SMC5: variants seen among roughly 807,000 people sequenced by gnomAD.
The protein encoded by SMC5 is structural maintenance of chromosomes protein 5.
In SMC5, 88 loss-of-function variants were observed where a neutral mutation model predicts 148.3. The ratio of observed to expected loss-of-function variants is 0.59; its 90% CI spans 0.50 to 0.71. The LOEUF is 0.71. Among genes scored for constraint, SMC5 ranks in the 30% least tolerant of loss-of-function variants. The pLI is 0.00. For missense variants in SMC5, 1,142 were observed against 1,298.9 expected, an observed-to-expected ratio of 0.88 and a Z score of 1.86; for synonymous variants, 421 against 432.8, an observed-to-expected ratio of 0.97 and a Z score of 0.34.
intron 3 of SMC5, among the ~76,000 whole-genome samples, chr9:70,273,885 TG>T (rs2034516112): frequency 6.6e-6 from 1 of 152,356 alleles, no homozygotes; most frequent in East Asian, 1.9e-4. Flanking sequence ...TGTAGATACC[TG>T]CAGTGTTCTG....
chr9:70,340,968 TTTC>T (rs2036506636), intron 17 of SMC5, among the ~76,000 whole-genome samples: 1 of 152,154 alleles, frequency 6.6e-6, no homozygotes, highest in African/African-American at 2.4e-5. Flanking sequence ...ATTTCACTCA[TTTC>T]TTATCTTACA....
chr9:70,340,414 TAA>T (rs1363336097), intron 17 of SMC5, among the ~76,000 whole-genome samples: 1 of 152,094 alleles, frequency 6.6e-6, no homozygotes, highest in Admixed American at 6.5e-5. Context: ...TATTAAAAGT[TAA>T]GATTATTATT....
intron 18 of SMC5, among the ~76,000 whole-genome samples, chr9:70,344,853 GAA>G (rs2036625569): frequency 6.6e-6 from 1 of 151,828 alleles, no homozygotes; most frequent in Non-Finnish European, 1.5e-5. Flanking sequence ...AATGAAATTA[GAA>G]AATAAGTTTT....
intron 22 of SMC5, among the ~76,000 whole-genome samples, 181 bp downstream of exon 22, chr9:70,348,219 G>GC (rs2036717866): frequency 6.6e-6 from 1 of 151,954 alleles, no homozygotes; most frequent in Admixed American, 6.6e-5. Flanking sequence ...TTTTTGGGGG[G>GC]GGTTATGTTT....
In SMC5 at chr9:70,277,412, G is replaced by T; in HGVS notation, c.483G>T (p.Val161=). The T allele has an allele frequency of 1.2e-6, 2 of 1,603,786 alleles. No homozygotes were observed. The highest frequency in any genetic ancestry group is 1.3e-5 in the African/African-American group (1 of 74,310). ...INKKSTTQKI[V]EEKVAALNIQ... Reference sequence around the variant, plus strand: ...AAAAATCTACAACCCAGAAAATAGTGGAAGAGAAAGTTGCAGCCTTAAATA... The same window carrying T: ...AAAAATCTACAACCCAGAAAATAGTTGAAGAGAAAGTTGCAGCCTTAAATA... Residue 161 remains valine (V), a synonymous_variant, in exon 4 of 25, where the codon GTG becomes GTT. Coordinates refer to ENST00000361138, the MANE Select transcript of SMC5 (RefSeq NM_015110.4).
chr9:70,330,068 C>T (rs2036181168), intron 17 of SMC5, among the ~76,000 whole-genome samples: 1 of 152,052 alleles, frequency 6.6e-6, no homozygotes, highest in Non-Finnish European at 1.5e-5. Context: ...TAGATTCCTC[C>T]CCCAACATTG....
At chr9:70,303,441 T>TC (rs936277493) in intron 10 of SMC5, among the ~76,000 whole-genome samples, 10 of 152,100 alleles carry the variant, frequency 6.6e-5, no homozygotes, top group Non-Finnish European at 1.3e-4. Flanking sequence ...ATTTAGTACC[T>TC]CCCCCCTCAA....
At chr9:70,271,504 A>G (rs1264945806) in intron 3 of SMC5, among the ~76,000 whole-genome samples, 1 of 152,230 alleles carries the variant, frequency 6.6e-6, no homozygotes, top group Non-Finnish European at 1.5e-5. Flanking sequence ...GTATTTATGT[A>G]GTCATTTTCC....
intron 13 of SMC5, among the ~76,000 whole-genome samples, chr9:70,317,434 G>C (rs917682825): frequency 1.1e-4 from 16 of 152,180 alleles, no homozygotes; most frequent in Non-Finnish European, 2.2e-4. Flanking sequence ...TTCAAATCCA[G>C]TTTAAAACTC....
intron 1 of SMC5, among the ~76,000 whole-genome samples, chr9:70,262,814 C>G (rs1168639651): frequency 6.6e-6 from 1 of 152,136 alleles, no homozygotes; most frequent in African/African-American, 2.4e-5. Context: ...ACCAATAGCT[C>G]TTTCAGAGGG....
chr9:70,283,283 G>A (rs1425768910), intron 7 of SMC5, among the ~76,000 whole-genome samples: 2 of 152,048 alleles, frequency 1.3e-5, no homozygotes, highest in Non-Finnish European at 2.9e-5. Context: ...GGCCAACATG[G>A]TGAAACCCTG....
intron 2 of SMC5, among the ~76,000 whole-genome samples, chr9:70,265,106 A>G (rs564610195): frequency 6.6e-6 from 1 of 152,324 alleles, no homozygotes; most frequent in East Asian, 1.9e-4. Context: ...TACTGCCCGA[A>G]CAATCCAGAG....
In SMC5 at chr9:70,347,153, A is replaced by C; in HGVS notation, c.2656A>C (p.Asn886His). 1.9e-6 allele frequency: 3 copies of C among 1,613,474 alleles called. No homozygotes were observed. The highest frequency in any genetic ancestry group is 2.5e-6 in the Non-Finnish European group (3 of 1,179,590). The change falls in exon 20 of 25, where the codon AAT becomes CAT. Residue 886 changes from asparagine (N) to histidine (H), a missense_variant. By Grantham distance (68) the Asn-to-His change is moderately conservative (BLOSUM62 1). Around this residue, in one of 5 missense-constraint regions of SMC5, gnomAD observed 743 missense variants for 835.7 expected, o/e 0.89. Transcript: ENST00000361138. The part of the protein sequence containing the change: ...RSRASCFTGL[N>H]PTIVQEYTKR... Reference sequence around the variant, plus strand: ...AAGAGCTTCCTGCTTCACGGGACTGAATCCTACAGTATGCCTGTTTCTCTA... The same window carrying C: ...AAGAGCTTCCTGCTTCACGGGACTGCATCCTACAGTATGCCTGTTTCTCTA...
chr9:70,297,455 T>G (rs2035231535), intron 8 of SMC5, among the ~76,000 whole-genome samples: 1 of 152,152 alleles, frequency 6.6e-6, no homozygotes, highest in Admixed American at 6.5e-5. Context: ...AATAATGTGT[T>G]CTGGGTAATT....
chr9:70,345,565 A>G lies in SMC5; in HGVS notation c.2524-1040A>G, dbSNP rs149610456. Among the ~76,000 whole-genome samples the G allele has an allele frequency of 2.0e-4, 31 of 152,184 alleles. 1 individual carries two copies. The highest frequency in any genetic ancestry group is 7.2e-4 in the African/African-American group (30 of 41,548). Reference sequence around the variant, plus strand: ...AGGCAAAAGTATTCCAGACAGAGAAAATAGCTCAGACAACGCCCAAGACAG... The same window carrying G: ...AGGCAAAAGTATTCCAGACAGAGAAGATAGCTCAGACAACGCCCAAGACAG... On this transcript the variant is annotated intron_variant, in intron 18 of 24. Transcript: ENST00000361138.
At chr9:70,260,873 G>T (rs757227445) in intron 1 of SMC5, among the ~76,000 whole-genome samples, 4 of 152,130 alleles carry the variant, frequency 2.6e-5, no homozygotes, top group Non-Finnish European at 4.4e-5. Flanking sequence ...CTTTCAAGTA[G>T]CTCGGACTAT....
intron 1 of SMC5, among the ~76,000 whole-genome samples, chr9:70,262,354 G>A (rs2034161250): frequency 6.6e-6 from 1 of 152,240 alleles, no homozygotes; most frequent in South Asian, 2.1e-4. Context: ...AAACTCGGCT[G>A]TGATGGGTTT....
intron 15 of SMC5, among the ~76,000 whole-genome samples, chr9:70,320,164 A>C (rs1324812467): frequency 6.6e-6 from 1 of 152,236 alleles, no homozygotes; most frequent in Non-Finnish European, 1.5e-5. Context: ...TCCTTGAAAC[A>C]ACATTTATAC....
chr9:70,338,065 A>T (rs1184075121), intron 17 of SMC5, among the ~76,000 whole-genome samples: 1 of 152,002 alleles, frequency 6.6e-6, no homozygotes, highest in African/African-American at 2.4e-5. Context: ...CCCAGGCTGA[A>T]GTGCGGTGGC....
Sources: allele counts gnomAD v4.1 joint callset (sites outside exome capture counted in the v4.1 genomes callset), GRCh38; gene constraint gnomAD v4.1.1; regional missense constraint gnomAD v4.1.1; transcripts MANE v1.5; gene names NCBI Gene and HGNC (gene_info 2026-07-23, HGNC 2026-07-21).